The following PASK variants were observed in gnomAD, a reference collection of about 807,000 sequenced individuals.
PASK encodes the protein PAS domain containing serine/threonine kinase.
Under a neutral mutation model 121.0 loss-of-function variants are expected in PASK, and 110 were observed. That is an observed-to-expected ratio of 0.91 (90% CI 0.78 to 1.06). PASK has a LOEUF of 1.06. PASK is among the 50% of genes least tolerant of loss of function. The pLI is 0.00. For missense variants in PASK, 1,643 were observed against 1,702.3 expected (o/e 0.97, Z 0.61); for synonymous variants, 686 against 717.8 (o/e 0.96, Z 0.71).
chr2:241,125,979 T>A (rs965925991), intron 10 of PASK, among the ~76,000 whole-genome samples: 1 of 152,176 alleles, frequency 6.6e-6, no homozygotes, highest in African/African-American at 2.4e-5. Flanking sequence ...ATGGGGCAGG[T>A]GGCCTGGGAC....
In PASK at chr2:241,143,058, G is replaced by A. The variant is rs1028519144; in HGVS notation, c.-26C>T. On this transcript the variant is annotated 5_prime_UTR_variant, in exon 2 of 18. Transcript: ENST00000234040. Reference sequence around the variant, plus strand: ...GGGAAGAAGGGAGGCCAACTGCCAAGCTTCCAACTCTAACAACTAGAAAAC... The same window carrying A: ...GGGAAGAAGGGAGGCCAACTGCCAAACTTCCAACTCTAACAACTAGAAAAC... The A allele has an allele frequency of 3.9e-6, 6 of 1,553,144 alleles. No individual in the cohort carries two copies. Among genetic ancestry groups the A allele is most frequent in the African/African-American group, 1.4e-5 (1 of 73,780 alleles).
upstream of PASK, chr2:241,149,473 G>T: frequency 1.6e-6 from 1 of 611,678 alleles, no homozygotes. Flanking sequence ...GCCCTTCCGC[G>T]CTTTTATCCC....
intron 1 of PASK, among the ~76,000 whole-genome samples, chr2:241,148,197 C>T (rs989895267): frequency 6.6e-6 from 1 of 152,108 alleles, no homozygotes; most frequent in Admixed American, 6.5e-5. Flanking sequence ...TAACCATATT[C>T]CCATTGCTAG....
chr2:241,122,472 A>G (rs2065656042), intron 12 of PASK, among the ~76,000 whole-genome samples: 1 of 152,212 alleles, frequency 6.6e-6, no homozygotes, highest in Admixed American at 6.5e-5. Context: ...ATCTCAACAC[A>G]ATGGCAGGAG....
In PASK at chr2:241,124,865, T is replaced by C. The variant is rs138748211; in HGVS notation, c.2720-732A>G. On this transcript the variant is annotated intron_variant, in intron 10 of 17. Transcript: ENST00000234040. ...AACTGGCTAAAATAATGTGGACCTATTAAGAAATGAGGAAAATACAGCCAG... is the reference window on the plus strand; with the variant it reads ...AACTGGCTAAAATAATGTGGACCTACTAAGAAATGAGGAAAATACAGCCAG... Among the ~76,000 whole-genome samples the C allele has an allele frequency of 3.1e-4, 47 of 152,306 alleles. 1 individual carries two copies. In the East Asian group the frequency reaches 8.7e-3, roughly 28 times the overall value.
At position 241,144,117 on chromosome 2, in the gene PASK, C is replaced by T. The variant is rs374017584; in HGVS notation, c.-42-1043G>A. On this transcript the variant is annotated intron_variant, in intron 1 of 17. Coordinates refer to ENST00000234040, the MANE Select transcript of PASK (RefSeq NM_015148.4). Reference sequence around the variant, plus strand: ...GTGTGGGTGTGCGTGTGTGTCCGTGCGTGTGTGTGCGTGTGCACATGTGTA... The same window carrying T: ...GTGTGGGTGTGCGTGTGTGTCCGTGTGTGTGTGTGCGTGTGCACATGTGTA... Among the ~76,000 whole-genome samples the T allele has an allele frequency of 4.0e-4, 60 of 151,644 alleles. No homozygotes were observed. In the East Asian group the frequency reaches 7.2e-3, roughly 18 times the overall value.
rs1039114972 is a variant in PASK at position 241,127,448 on chromosome 2, C to T, written c.1467G>A (p.Val489=). The part of the protein sequence containing the change: ...SCLSPQPAPG[V]DNVPEGSLPV... ...GCAGGCTTCCTTCTGGGACATTGTC[C>T]ACCCTGGGGATAATGACATGGGTGA... Residue 489 remains valine, a synonymous_variant, in exon 10 of 18, where the codon GTG becomes GTA. Coordinates refer to ENST00000234040, the MANE Select transcript of PASK (RefSeq NM_015148.4). 17 of 1,613,262 alleles carry T rather than the reference C, an allele frequency of 1.1e-5. No homozygotes were observed. The highest frequency in any genetic ancestry group is 1.4e-5 in the Non-Finnish European group (16 of 1,179,386).
chr2:241,131,054 G>C (rs2066103080), intron 9 of PASK, among the ~76,000 whole-genome samples: 1 of 150,760 alleles, frequency 6.6e-6, no homozygotes, highest in Admixed American at 6.5e-5. Flanking sequence ...GGGGGAAAGA[G>C]TAGGATTGGA....
At chr2:241,113,727 C>G (rs1452535990) in intron 14 of PASK, 1 of 985,334 alleles carries the variant, frequency 1.0e-6, no homozygotes, top group Admixed American at 6.1e-5. Context: ...GCTGCTCTTC[C>G]TGCAGATGCT....
chr2:241,148,113 G>T (rs1008149172), intron 1 of PASK, among the ~76,000 whole-genome samples: 1 of 152,102 alleles, frequency 6.6e-6, no homozygotes, highest in Non-Finnish European at 1.5e-5. Flanking sequence ...TTTTAAAATT[G>T]TCCTTTGTAT....
Position 241,128,771 on chromosome 2 carries a change from C to T in PASK, c.1464-1320G>A, listed in dbSNP as rs768662413. On this transcript the variant is annotated intron_variant, in intron 9 of 17. Coordinates refer to ENST00000234040, the MANE Select transcript of PASK (RefSeq NM_015148.4). ...GTCTCAGCTACTTGGGAGGCTGAAGCGGGAACCTCGCTTGAGCACAGGAGT... is the reference window on the plus strand; with the variant it reads ...GTCTCAGCTACTTGGGAGGCTGAAGTGGGAACCTCGCTTGAGCACAGGAGT... 5.3e-5 allele frequency among the ~76,000 whole-genome samples: 8 copies of T among 151,898 alleles called. No individual in the cohort carries two copies. In the East Asian group the frequency reaches 9.7e-4, roughly 18 times the overall value.
chr2:241,150,313 G>T (rs1215449867), upstream of PASK: 5 of 1,334,342 alleles, frequency 3.7e-6, no homozygotes, highest in South Asian at 6.4e-5. Context: ...TGCTCTGGGG[G>T]AGGCGCGGCG....
chr2:241,141,045 T>C (rs796779741), intron 2 of PASK, among the ~76,000 whole-genome samples: 9 of 152,314 alleles, frequency 5.9e-5, no homozygotes, highest in African/African-American at 1.9e-4. Flanking sequence ...TTTGGAAGGC[T>C]GAGGCAGGAA....
chr2:241,139,521 T>C lies in PASK; in HGVS notation c.600+364A>G, dbSNP rs150310061. 1.5e-4 allele frequency: 73 copies of C among 501,864 alleles called. 1 individual carries two copies. The East Asian group carries it at 4.3e-3, about 30-fold the overall frequency. The allele number at this position is 501,864 out of a possible 1,614,324, so 31.1% of individuals were successfully genotyped here. A position where few individuals can be genotyped will look rare whatever the true frequency, so the allele number is the denominator to read the frequency against. On this transcript the variant is annotated intron_variant, in intron 4 of 17. Transcript: ENST00000234040. ...GCTCCCACAAACACCAAACAGAATG[T>C]AAAAATCAATAGACAATAAAACCAT...
chr2:241,123,691 G>A (rs2065726250), intron 11 of PASK, among the ~76,000 whole-genome samples: 1 of 151,984 alleles, frequency 6.6e-6, no homozygotes, highest in Non-Finnish European at 1.5e-5. Flanking sequence ...GGTGGCGCGT[G>A]CCTGTAATCC....
chr2:241,127,239 C>T lies in PASK; in HGVS notation c.1676G>A (p.Gly559Asp), dbSNP rs369051566. Residue 559 changes from glycine (G) to aspartate (D), a missense_variant, in exon 10 of 18, where the codon GGC becomes GAC. This residue lies in a region of PASK where 1,176 missense variants were observed against 1,162.2 expected (regional missense o/e 1.01). Transcript: ENST00000234040. Reference protein sequence around the residue: ...SEAPVPAEDGGSDAGMCGLCQ... With the variant: ...SEAPVPAEDGDSDAGMCGLCQ... ...CAGGCCACACATGCCAGCATCACTG[C>T]CCCCATCCTCAGCTGGGACTGGAGC... 40 of 1,614,080 alleles carry T rather than the reference C, an allele frequency of 2.5e-5. No individual in the cohort carries two copies. Among genetic ancestry groups the T allele is most frequent in the Non-Finnish European group, 3.1e-5 (37 of 1,180,010 alleles).
At chr2:241,125,611 AAAAAAAAAAAAAAAGAAAT>A (rs1362798107) in intron 10 of PASK, among the ~76,000 whole-genome samples, 1 of 40,078 alleles carries the variant, frequency 2.5e-5, no homozygotes, top group Non-Finnish European at 3.9e-5. Context: ...AAAAAAAAGA[AAAAAAAAAAAAAAAGAAAT>A]GAAAATAAAA....
At chr2:241,130,820 C>T (rs904701478) in intron 9 of PASK, among the ~76,000 whole-genome samples, 4 of 152,086 alleles carry the variant, frequency 2.6e-5, no homozygotes, top group Non-Finnish European at 5.9e-5. Flanking sequence ...GCTTCGGTTC[C>T]GAGGAGGCCT....
chr2:241,145,075 G>C (rs1046874857), intron 1 of PASK, among the ~76,000 whole-genome samples: 2 of 152,094 alleles, frequency 1.3e-5, no homozygotes, highest in Non-Finnish European at 2.9e-5. Context: ...CACCACGCCT[G>C]GCTAATTTTT....
Sources: allele counts gnomAD v4.1 joint callset (sites outside exome capture counted in the v4.1 genomes callset), GRCh38; gene constraint gnomAD v4.1.1; regional missense constraint gnomAD v4.1.1; transcripts MANE v1.5; gene names NCBI Gene and HGNC (gene_info 2026-07-23, HGNC 2026-07-21).